The following UBL3 variants were observed in gnomAD, a reference collection of about 807,000 sequenced individuals.
UBL3 encodes the protein ubiquitin like 3.
UBL3 carries 6 observed loss-of-function variants against 18.4 expected under a neutral mutation model. The ratio of observed to expected loss-of-function variants is 0.33; its 90% CI spans 0.18 to 0.64. The LOEUF is 0.64. UBL3 is among the 30% of genes least tolerant of loss of function. The pLI is 0.76. For synonymous variants in UBL3, 49 were observed against 46.6 expected, an observed-to-expected ratio of 1.05 and a Z score of -0.21; for missense variants, 109 against 142.9, an observed-to-expected ratio of 0.76 and a Z score of 1.21.
At chr13:29,775,920 G>C (rs544949723) in intron 2 of UBL3, among the ~76,000 whole-genome samples, 1 of 151,504 alleles carries the variant, frequency 6.6e-6, no homozygotes, top group African/African-American at 2.4e-5. Context: ...CCCAGCTGAC[G>C]GTCTTATTAT....
rs1565986831 is a variant in UBL3, at chr13:29,766,274, A to G, written c.*981T>C. 2 of 152,610 alleles carry G rather than the reference A, an allele frequency of 1.3e-5. No homozygotes were observed. Among genetic ancestry groups the G allele is most frequent in the Non-Finnish European group, 2.9e-5 (2 of 68,002 alleles). The allele number at this position is 152,610 out of a possible 1,614,324, so 9.5% of individuals were successfully genotyped here. A position where few individuals can be genotyped will look rare whatever the true frequency, so the allele number is the denominator to read the frequency against. ...AGCACTAATATCAAACGCAAACTATATAAAGAAACAAAATTAGTACTATGG... is the reference window on the plus strand; with the variant it reads ...AGCACTAATATCAAACGCAAACTATGTAAAGAAACAAAATTAGTACTATGG... On this transcript the variant is annotated 3_prime_UTR_variant, in exon 5 of 5. Transcript: ENST00000380680.
chr13:29,792,122 T>G (rs1049342990), intron 1 of UBL3, among the ~76,000 whole-genome samples: 1 of 152,194 alleles, frequency 6.6e-6, no homozygotes, highest in African/African-American at 2.4e-5. Context: ...AAAAAGTAGG[T>G]ATTTAATACT....
At chr13:29,824,032 T>C (rs1878551051) in intron 1 of UBL3, among the ~76,000 whole-genome samples, 1 of 152,198 alleles carries the variant, frequency 6.6e-6, no homozygotes, top group African/African-American at 2.4e-5. Flanking sequence ...ACAAAGGACA[T>C]GAACTCATCC....
intron 1 of UBL3, among the ~76,000 whole-genome samples, chr13:29,835,148 ATAT>A (rs1878919055): frequency 4.4e-5 from 1 of 22,636 alleles, no homozygotes; most frequent in Non-Finnish European, 8.3e-5. Flanking sequence ...ATATATATAT[ATAT>A]ATATATATAT....
At chr13:29,826,944 C>G (rs1165588689) in intron 1 of UBL3, among the ~76,000 whole-genome samples, 1 of 152,104 alleles carries the variant, frequency 6.6e-6, no homozygotes, top group Non-Finnish European at 1.5e-5. Context: ...CGTTATGTAC[C>G]CAGTAGTCAT....
chr13:29,793,931 AC>A (rs552012763), intron 1 of UBL3, among the ~76,000 whole-genome samples: 3 of 151,774 alleles, frequency 2.0e-5, no homozygotes, highest in Non-Finnish European at 2.9e-5. Flanking sequence ...TGCAACCTCC[AC>A]CCCCCAGGTT....
In UBL3 at chr13:29,777,167, T is replaced by G; in HGVS notation, c.124A>C (p.Asn42His). ...AAATATCACTCACCCATTGGCCAAT[T>G]GTCATATACATGCTTTGCAATGTCA... Reference protein sequence around the residue: ...ASDIAKHVYDNWPMDWEEEQV... With the variant: ...ASDIAKHVYDHWPMDWEEEQV... Residue 42 changes from asparagine (N) to histidine (H), a missense_variant, in exon 2 of 5, where the codon AAT becomes CAT. Coordinates refer to ENST00000380680, the MANE Select transcript of UBL3 (RefSeq NM_007106.4). 1 of 1,592,948 alleles carries G rather than the reference T, an allele frequency of 6.3e-7. No homozygotes were observed. Among genetic ancestry groups the G allele is most frequent in the East Asian group, 2.2e-5 (1 of 44,532 alleles).
At chr13:29,771,084 G>A (rs1260063598) in intron 3 of UBL3, among the ~76,000 whole-genome samples, 2 of 152,020 alleles carry the variant, frequency 1.3e-5, no homozygotes, top group Non-Finnish European at 1.5e-5. Context: ...GAGAGCTTCT[G>A]TCTTATTCAA....
In UBL3 at chr13:29,777,161, G is replaced by C; in HGVS notation, c.130C>G (p.Pro44Ala). ...DIAKHVYDNW[P>A]MDWEEEQVSS... Reference sequence around the variant, plus strand: ...AGAGAAAAATATCACTCACCCATTGGCCAATTGTCATATACATGCTTTGCA... The same window carrying C: ...AGAGAAAAATATCACTCACCCATTGCCCAATTGTCATATACATGCTTTGCA... Residue 44 changes from proline (P) to alanine (A), a missense_variant, in exon 2 of 5, where the codon CCA becomes GCA. Coordinates refer to ENST00000380680, the MANE Select transcript of UBL3 (RefSeq NM_007106.4). 1.9e-6 allele frequency: 3 copies of C among 1,589,420 alleles called. No homozygotes were observed. The highest frequency in any genetic ancestry group is 2.6e-6 in the Non-Finnish European group (3 of 1,167,244).
chr13:29,818,195 C>CA (rs2139346798), intron 1 of UBL3, among the ~76,000 whole-genome samples: 1 of 152,278 alleles, frequency 6.6e-6, no homozygotes, highest in African/African-American at 2.4e-5. Context: ...AGAAAACAGT[C>CA]ATACTCTAAC....
At chr13:29,827,336 C>T (rs1001814867) in intron 1 of UBL3, among the ~76,000 whole-genome samples, 6 of 152,110 alleles carry the variant, frequency 3.9e-5, no homozygotes, top group Non-Finnish European at 8.8e-5. Context: ...TTGTAGGTCT[C>T]CAAGGATTTG....
chr13:29,770,329 A>G (rs756096792), intron 3 of UBL3, among the ~76,000 whole-genome samples: 5 of 152,090 alleles, frequency 3.3e-5, no homozygotes, highest in Admixed American at 1.3e-4. Flanking sequence ...ATGCTTCTAC[A>G]CTAGAGATAG....
chr13:29,811,699 T>A (rs982721297), intron 1 of UBL3, among the ~76,000 whole-genome samples: 3 of 152,072 alleles, frequency 2.0e-5, no homozygotes, highest in African/African-American at 2.4e-5. Context: ...CTACCTCCAA[T>A]AATGAAAAAT....
chr13:29,846,334 GTA>G (rs893513122), intron 1 of UBL3, among the ~76,000 whole-genome samples: 8 of 152,024 alleles, frequency 5.3e-5, no homozygotes, highest in African/African-American at 1.9e-4. Context: ...AAATACACTT[GTA>G]ATATTTATAG....
rs556103720 is a variant in UBL3 at position 29,776,428 on chromosome 13, A to G, written c.136+727T>C. Among the ~76,000 whole-genome samples, 7 of 151,522 alleles carry G rather than the reference A, an allele frequency of 4.6e-5. No individual in the cohort carries two copies. The South Asian group carries it at 8.4e-4, about 18-fold the overall frequency. On this transcript the variant is annotated intron_variant, in intron 2 of 4. Transcript: ENST00000380680. ...CAGGCATGTGCTACCATGCCTGGCT[A>G]ATTTTTAAATTTTTAGCAGTGATGA...
intron 1 of UBL3, among the ~76,000 whole-genome samples, chr13:29,818,456 T>C (rs1375334812): frequency 6.6e-6 from 1 of 152,226 alleles, no homozygotes; most frequent in Non-Finnish European, 1.5e-5. Context: ...ATAACTATTT[T>C]CTTCCTTTTC....
chr13:29,767,120 T>G lies in UBL3; in HGVS notation c.*135A>C. 1 of 718,262 alleles carries G rather than the reference T, an allele frequency of 1.4e-6. No individual in the cohort carries two copies. Among genetic ancestry groups the G allele is most frequent in the Non-Finnish European group, 2.2e-6 (1 of 450,452 alleles). The allele number at this position is 718,262 out of a possible 1,614,324, so 44.5% of individuals were successfully genotyped here. A position where few individuals can be genotyped will look rare whatever the true frequency, so the allele number is the denominator to read the frequency against. The stretch of plus-strand genomic sequence containing the variant: ...TTACTTTCATGAGAAAAGATGACAG[T>G]GTTCATGTGGTAATTCAGTTCCATG... On this transcript the variant is annotated 3_prime_UTR_variant, in exon 5 of 5. Coordinates refer to ENST00000380680, the MANE Select transcript of UBL3 (RefSeq NM_007106.4).
At position 29,809,110 on chromosome 13, in the gene UBL3, T is replaced by C. The variant is rs181152099; in HGVS notation, c.28-31847A>G. The stretch of plus-strand genomic sequence containing the variant: ...ACATGATGTAAAACATAGATGGATG[T>C]CTGAAAACATGGAACTAACAGTACA... On this transcript the variant is annotated intron_variant, in intron 1 of 4. Transcript: ENST00000380680. 1.9e-3 allele frequency among the ~76,000 whole-genome samples: 286 copies of C among 152,242 alleles called. 2 individuals carry two copies. The highest frequency in any genetic ancestry group is 6.7e-3 in the African/African-American group (280 of 41,562).
intron 1 of UBL3, among the ~76,000 whole-genome samples, chr13:29,786,742 T>C (rs1036742372): frequency 1.8e-4 from 23 of 125,110 alleles, no homozygotes; most frequent in African/African-American, 6.2e-4. Context: ...CTACGGGATC[T>C]TTTTCTATAT....
Sources: allele counts gnomAD v4.1 joint callset (sites outside exome capture counted in the v4.1 genomes callset), GRCh38; gene constraint gnomAD v4.1.1; transcripts MANE v1.5; gene names NCBI Gene and HGNC (gene_info 2026-07-23, HGNC 2026-07-21).